Variants in EPHA7 observed in about 807,000 individuals in gnomAD.
EPHA7 encodes ephrin type-A receptor 7.
EPHA7 carries 25 observed loss-of-function variants against 112.6 expected under a neutral mutation model. The ratio of observed to expected loss-of-function variants is 0.22; its 90% CI spans 0.16 to 0.31. EPHA7 has a LOEUF of 0.31. Ranked by LOEUF, EPHA7 falls within the 10% of genes least tolerant of loss-of-function variation. The probability of loss-of-function intolerance (pLI) is 1.00; values close to 1 mark genes in which losing one functional copy is unlikely to be tolerated. For missense variants in EPHA7, 962 were observed against 1,212.6 expected (o/e 0.79, Z 3.07); for synonymous variants, 437 against 406.5 (o/e 1.07, Z -0.90).
Position 93,250,815 on chromosome 6 carries a change from T to C in EPHA7, c.2533-3830A>G, listed in dbSNP as rs78065319. ...ATTCATAACCAATTCTATATCTAAA[T>C]AGTTCCCAGAGGAACCAGAAGTGAT... On this transcript the variant is annotated intron_variant, in intron 14 of 16. Coordinates refer to ENST00000369303, the MANE Select transcript of EPHA7 (RefSeq NM_004440.4). Among the ~76,000 whole-genome samples, 1,131 of 152,204 alleles carry C rather than the reference T, an allele frequency of 7.4e-3. 16 individuals carry two copies. The highest frequency in any genetic ancestry group is 0.026 in the African/African-American group (1,082 of 41,562).
chr6:93,250,284 G>A (rs1417419150), intron 14 of EPHA7, among the ~76,000 whole-genome samples: 1 of 152,040 alleles, frequency 6.6e-6, no homozygotes, highest in Non-Finnish European at 1.5e-5. Context: ...GAACTTTGAG[G>A]TTCTGCAGTT....
intron 2 of EPHA7, among the ~76,000 whole-genome samples, chr6:93,413,621 C>T (rs1474505748): frequency 6.6e-6 from 1 of 151,796 alleles, no homozygotes; most frequent in African/African-American, 2.4e-5. Flanking sequence ...TATATTTAAT[C>T]TGTAAAATGG....
chr6:93,387,905 A>C (rs542703446), intron 3 of EPHA7, among the ~76,000 whole-genome samples: 1 of 150,410 alleles, frequency 6.6e-6, no homozygotes, highest in Admixed American at 6.7e-5. Flanking sequence ...ATAAAGCCAG[A>C]CCATCTTAGA....
rs924194361 is a variant in EPHA7 at position 93,270,465 on chromosome 6, T to C, written c.1450-805A>G. Among the ~76,000 whole-genome samples the C allele has an allele frequency of 4.0e-5, 6 of 151,484 alleles. No individual in the cohort carries two copies. The East Asian group carries it at 1.2e-3, about 29-fold the overall frequency. On this transcript the variant is annotated intron_variant, in intron 6 of 16. Coordinates refer to ENST00000369303, the MANE Select transcript of EPHA7 (RefSeq NM_004440.4). ...ATAAAAACTCCATCAAAACAATATT[T>C]AAATAAATAAAAATTTAAATCTTCC... is the stretch of plus-strand genomic sequence containing the variant.
At chr6:93,316,352 G>C (rs1304801661) in intron 5 of EPHA7, among the ~76,000 whole-genome samples, 4 of 152,078 alleles carry the variant, frequency 2.6e-5, no homozygotes, top group Non-Finnish European at 5.9e-5. Flanking sequence ...TTATTGAACT[G>C]AATATGTCAA....
chr6:93,346,074 C>T (rs1315825487), intron 5 of EPHA7, among the ~76,000 whole-genome samples: 2 of 151,614 alleles, frequency 1.3e-5, no homozygotes, highest in Non-Finnish European at 3.0e-5. Context: ...CTTAGCTGAT[C>T]CAGGGCTGAA....
chr6:93,253,256 C>T (rs62414216), intron 14 of EPHA7, among the ~76,000 whole-genome samples: 2,164 of 152,064 alleles, frequency 0.014, 24 homozygotes, highest in Non-Finnish European at 0.024. Flanking sequence ...CAAACAGACT[C>T]ATCATTTAGA....
chr6:93,415,046 T>C (rs1028111904), intron 1 of EPHA7, among the ~76,000 whole-genome samples: 3 of 152,024 alleles, frequency 2.0e-5, no homozygotes, highest in African/African-American at 7.2e-5. Flanking sequence ...AAATTTTATA[T>C]GTGATACATT....
chr6:93,339,900 C>A (rs1775060567), intron 5 of EPHA7, among the ~76,000 whole-genome samples: 1 of 151,694 alleles, frequency 6.6e-6, no homozygotes, highest in Non-Finnish European at 1.5e-5. Context: ...ATACAATGTA[C>A]AAATAATCTC....
chr6:93,362,012 A>C (rs1464050557), intron 3 of EPHA7, among the ~76,000 whole-genome samples: 1 of 152,090 alleles, frequency 6.6e-6, no homozygotes, highest in Non-Finnish European at 1.5e-5. Flanking sequence ...TACTTTTGTA[A>C]AAATAATATT....
chr6:93,259,809 T>C (rs1398243909), intron 9 of EPHA7, among the ~76,000 whole-genome samples: 2 of 152,014 alleles, frequency 1.3e-5, no homozygotes, highest in African/African-American at 2.4e-5. Context: ...GTTCAAGCCA[T>C]ATTAAGGTTT....
intron 5 of EPHA7, among the ~76,000 whole-genome samples, chr6:93,318,424 G>C (rs1037166958): frequency 1.3e-5 from 2 of 151,972 alleles, no homozygotes; most frequent in South Asian, 4.1e-4. Flanking sequence ...CTAAGTGCAG[G>C]TTGGCAGATA....
At chr6:93,283,131 C>A (rs1207480621) in intron 5 of EPHA7, among the ~76,000 whole-genome samples, 3 of 152,158 alleles carry the variant, frequency 2.0e-5, no homozygotes, top group Non-Finnish European at 4.4e-5. Flanking sequence ...ATGCACCAAT[C>A]GGCACTCTGT....
chr6:93,344,433 A>G (rs1389708985), intron 5 of EPHA7, among the ~76,000 whole-genome samples: 1 of 151,668 alleles, frequency 6.6e-6, no homozygotes, highest in African/African-American at 2.4e-5. Flanking sequence ...AGAAAAGAAC[A>G]AAGGCAGTAA....
At chr6:93,334,595 A>G (rs1774764661) in intron 5 of EPHA7, among the ~76,000 whole-genome samples, 1 of 152,056 alleles carries the variant, frequency 6.6e-6, no homozygotes, top group Non-Finnish European at 1.5e-5. Flanking sequence ...AATCTAAAAC[A>G]CTTTCCAACT....
At chr6:93,409,502 T>C (rs1038821514) in intron 3 of EPHA7, among the ~76,000 whole-genome samples, 3 of 152,040 alleles carry the variant, frequency 2.0e-5, no homozygotes, top group African/African-American at 7.2e-5. Context: ...AAAAATTAGT[T>C]ATAATAGTTA....
At chr6:93,338,156 G>C (rs940212936) in intron 5 of EPHA7, among the ~76,000 whole-genome samples, 1 of 152,044 alleles carries the variant, frequency 6.6e-6, no homozygotes, top group African/African-American at 2.4e-5. Flanking sequence ...AATTTTCTGC[G>C]GTTAAGGAAA....
At position 93,357,803 on chromosome 6, in the gene EPHA7, G is replaced by A. The variant is rs184288960; in HGVS notation, c.988+453C>T. Among the ~76,000 whole-genome samples, 400 of 152,030 alleles carry A rather than the reference G, an allele frequency of 2.6e-3. 4 individuals are homozygous for A. Among genetic ancestry groups the A allele is most frequent in the African/African-American group, 9.2e-3 (382 of 41,472 alleles). The stretch of plus-strand genomic sequence containing the variant: ...CGCGTAGCTGGGATTACAGGTGGGC[G>A]CCACCACTCCCAGCTAATTTTTGTA... On this transcript the variant is annotated intron_variant, in intron 4 of 16. Coordinates refer to ENST00000369303, the MANE Select transcript of EPHA7 (RefSeq NM_004440.4).
Position 93,240,449 on chromosome 6 carries a change from G to A in EPHA7, c.*2977C>T, listed in dbSNP as rs1769642467. 1 of 218,046 alleles carries A rather than the reference G, an allele frequency of 4.6e-6. No individual in the cohort carries two copies. Among genetic ancestry groups the A allele is most frequent in the Admixed American group, 5.8e-5 (1 of 17,232 alleles). 13.5% of individuals were successfully genotyped at this position (218,046 alleles called of 1,614,324 possible). ...ATAGTCCTAAACAGTACTAGCTAAT[G>A]TAGATTACATAAGTATACAATATGA... On this transcript the variant is annotated 3_prime_UTR_variant, in exon 17 of 17. Transcript: ENST00000369303.
Sources: allele counts gnomAD v4.1 joint callset (sites outside exome capture counted in the v4.1 genomes callset), GRCh38; gene constraint gnomAD v4.1.1; transcripts MANE v1.5; gene names NCBI Gene and HGNC (gene_info 2026-07-23, HGNC 2026-07-21).